POSTN: variants seen among roughly 807,000 people sequenced by gnomAD.
POSTN encodes the protein osteoblast specific factor 2 (fasciclin I-like).
Under a neutral mutation model 104.5 loss-of-function variants are expected in POSTN, and 71 were observed. The ratio of observed to expected loss-of-function variants is 0.68; its 90% CI spans 0.56 to 0.83. The LOEUF is 0.83. Among genes scored for constraint, POSTN ranks in the 40% least tolerant of loss-of-function variants. The pLI is 0.00. For synonymous variants in POSTN, 355 were observed against 340.7 expected (o/e 1.04, Z -0.46); for missense variants, 949 against 1,006.8 (o/e 0.94, Z 0.78).
chr13:37,562,721 T>C lies in POSTN; in HGVS notation c.*612A>G, dbSNP rs1291110607. On this transcript the variant is annotated 3_prime_UTR_variant, in exon 23 of 23. Coordinates refer to ENST00000379747, the MANE Select transcript of POSTN (RefSeq NM_006475.3). ...AATTTGAAGTAATTCTCTTTATATC[T>C]GAAAAATGGTTTTATTGAAACGTTT... The C allele has an allele frequency of 6.6e-6, 1 of 152,188 alleles. No homozygotes were observed. The highest frequency in any genetic ancestry group is 1.5e-5 in the Non-Finnish European group (1 of 68,036). 9.4% of individuals were successfully genotyped at this position (152,188 alleles called of 1,614,324 possible).
chr13:37,570,498 T>C, intron 19 of POSTN, 82 bp downstream of exon 19: 1 of 930,894 alleles, frequency 1.1e-6, no homozygotes, highest in Non-Finnish European at 1.7e-6. Flanking sequence ...CTTGTTTCTT[T>C]AATGATTCTT....
At chr13:37,585,574 G>A (rs1950720766) in intron 7 of POSTN, among the ~76,000 whole-genome samples, 1 of 152,122 alleles carries the variant, frequency 6.6e-6, no homozygotes. Flanking sequence ...GACCTCTGGA[G>A]GGATCTATGC....
At chr13:37,590,973 G>A (rs1002749157) in intron 3 of POSTN, among the ~76,000 whole-genome samples, 10 of 152,194 alleles carry the variant, frequency 6.6e-5, no homozygotes, top group African/African-American at 9.6e-5. Context: ...TCTCCCGAAC[G>A]TCAGAAGAAA....
At position 37,580,672 on chromosome 13, in the gene POSTN, A is replaced by G; in HGVS notation, c.1418T>C (p.Met473Thr). 2 of 1,613,942 alleles carry G rather than the reference A, an allele frequency of 1.2e-6. No individual in the cohort carries two copies. The highest frequency in any genetic ancestry group is 1.7e-6 in the Non-Finnish European group (2 of 1,179,962). Residue 473 changes from methionine (M) to threonine (T), a missense_variant, in exon 11 of 23, where the codon ATG becomes ACG. By Grantham distance (81) the Met-to-Thr change is moderately conservative. Transcript: ENST00000379747. ...RTAVCIENSC[M>T]EKGSKQGRNG... ...TCTCCCTTGCTTACTCCCTTTCTCC[A>G]TGCATGAATTTTCAATGCAGACAGC...
chr13:37,597,131 A>G, intron 2 of POSTN, 53 bp downstream of exon 2: 3 of 1,234,640 alleles, frequency 2.4e-6, no homozygotes, highest in Non-Finnish European at 3.4e-6. Context: ...AGGCATATAC[A>G]TCATGATGTT....
At chr13:37,592,193 A>T in intron 2 of POSTN, 29 bp from the exon 3 acceptor site, 1 of 1,288,092 alleles carries the variant, frequency 7.8e-7, no homozygotes, top group Non-Finnish European at 1.1e-6. Context: ...TTAATATTAA[A>T]ATGAGAAACT....
rs1175640379 is a variant in POSTN, at chr13:37,598,628, A to G, written c.99T>C (p.Arg33=). ...NHYDKILAHS[R]IRGRDQGPNV... is the part of the protein sequence containing the mutation. Reference sequence around the variant, plus strand: ...CTTACCCTTGGTCCCGACCCCTGATACGACTATGAGCCAAGATCTTGTCAT... The same window carrying G: ...CTTACCCTTGGTCCCGACCCCTGATGCGACTATGAGCCAAGATCTTGTCAT... Residue 33 remains arginine, a synonymous_variant, in exon 1 of 23, where the codon CGT becomes CGC. Coordinates refer to ENST00000379747, the MANE Select transcript of POSTN (RefSeq NM_006475.3). 1.2e-6 allele frequency: 2 copies of G among 1,612,836 alleles called. No homozygotes were observed. Among genetic ancestry groups the G allele is most frequent in the South Asian group, 1.1e-5 (1 of 90,974 alleles).
At chr13:37,592,279 AG>A in intron 2 of POSTN, 115 bp from the exon 3 acceptor site, 1 of 682,052 alleles carries the variant, frequency 1.5e-6, no homozygotes, top group Non-Finnish European at 2.3e-6. Context: ...TCTAAAAATC[AG>A]GTTTTTTTTC....
chr13:37,590,866 T>C (rs1241452083), intron 3 of POSTN, among the ~76,000 whole-genome samples: 2 of 152,136 alleles, frequency 1.3e-5, no homozygotes, highest in African/African-American at 2.4e-5. Flanking sequence ...TCTATCATTT[T>C]TATAGATTTG....
chr13:37,565,960 A>G (rs1175296044), intron 21 of POSTN, among the ~76,000 whole-genome samples: 1 of 152,184 alleles, frequency 6.6e-6, no homozygotes, highest in Non-Finnish European at 1.5e-5. Flanking sequence ...AGTTAATTGT[A>G]TAACTTAAAA....
chr13:37,579,784 A>G lies in POSTN; in HGVS notation c.1660+77T>C, dbSNP rs567743995. The G allele has an allele frequency of 4.0e-6, 6 of 1,501,552 alleles. No individual in the cohort carries two copies. In the East Asian group the frequency reaches 1.4e-4, roughly 34 times the overall value. 93.0% of individuals were successfully genotyped at this position (1,501,552 alleles called of 1,614,324 possible). A position where few individuals can be genotyped will look rare whatever the true frequency, so the allele number is the denominator to read the frequency against. On this transcript the variant is annotated intron_variant, in intron 12 of 22. Transcript: ENST00000379747. ...GAGAGGGGGCATTTTTAAGGCAGAC[A>G]TCTGGACAGGAAAGCTTGAGAAAGA...
Position 37,570,687 on chromosome 13 carries a change from C to T in POSTN, c.2180-18G>A. ...AATTGGCTCTAAAAGCAGGGGAATA[C>T]AAATGCATTTGATTTACCCTCATAT... On this transcript the variant is annotated intron_variant, in intron 18 of 22. Transcript: ENST00000379747. 1 of 1,491,550 alleles carries T rather than the reference C, an allele frequency of 6.7e-7. No homozygotes were observed. The highest frequency in any genetic ancestry group is 1.1e-5 in the South Asian group (1 of 88,302). 92.4% of individuals were successfully genotyped at this position (1,491,550 alleles called of 1,614,324 possible). A position where few individuals can be genotyped will look rare whatever the true frequency, so the allele number is the denominator to read the frequency against.
At chr13:37,575,737 T>C (rs1384221712) in intron 16 of POSTN, among the ~76,000 whole-genome samples, 1 of 152,168 alleles carries the variant, frequency 6.6e-6, no homozygotes, top group Non-Finnish European at 1.5e-5. Context: ...TTTAGCTGTG[T>C]CAACTTTTTG....
chr13:37,595,807 G>A lies in POSTN; in HGVS notation c.218+1377C>T, dbSNP rs1180434954. On this transcript the variant is annotated intron_variant, in intron 2 of 22. Coordinates refer to ENST00000379747, the MANE Select transcript of POSTN (RefSeq NM_006475.3). ...AAGAAGTTAAGTGATTCCATATTTAGTATCTTTTTTTTTTTTTTTTTGAGA... is the reference window on the plus strand; with the variant it reads ...AAGAAGTTAAGTGATTCCATATTTAATATCTTTTTTTTTTTTTTTTTGAGA... 4.7e-5 allele frequency among the ~76,000 whole-genome samples: 7 copies of A among 148,016 alleles called. No individual in the cohort carries two copies. The South Asian group carries it at 8.7e-4, about 18-fold the overall frequency.
intron 10 of POSTN, among the ~76,000 whole-genome samples, chr13:37,581,671 C>T (rs1950594661): frequency 6.6e-6 from 1 of 151,954 alleles, no homozygotes. Context: ...TTACAGTGAG[C>T]TATGATTGTG....
intron 21 of POSTN, 61 bp downstream of exon 21, chr13:37,569,239 A>G: frequency 8.0e-7 from 1 of 1,254,020 alleles, no homozygotes; most frequent in Non-Finnish European, 1.1e-6. Flanking sequence ...CTCAGTCTTT[A>G]AAAAGTTGAA....
intron 20 of POSTN, 140 bp downstream of exon 20, chr13:37,569,604 T>G: frequency 1.2e-6 from 1 of 849,832 alleles, no homozygotes; most frequent in Non-Finnish European, 2.0e-6. Flanking sequence ...GCTTAATTCC[T>G]TATTCTTGTG....
chr13:37,598,629 C>G lies in POSTN; in HGVS notation c.98G>C (p.Arg33Pro). 1 of 1,612,356 alleles carries G rather than the reference C, an allele frequency of 6.2e-7. No homozygotes were observed. Among genetic ancestry groups the G allele is most frequent in the Non-Finnish European group, 8.5e-7 (1 of 1,178,782 alleles). Reference protein sequence around the residue: ...NHYDKILAHSRIRGRDQGPNV... With the variant: ...NHYDKILAHSPIRGRDQGPNV... Reference sequence around the variant, plus strand: ...TTACCCTTGGTCCCGACCCCTGATACGACTATGAGCCAAGATCTTGTCATA... The same window carrying G: ...TTACCCTTGGTCCCGACCCCTGATAGGACTATGAGCCAAGATCTTGTCATA... The change falls in exon 1 of 23, where the codon CGT (arginine) becomes CCT (proline). Residue 33 changes from arginine (R) to proline (P), a missense_variant. By Grantham distance (103) the Arg-to-Pro change is moderately radical. Coordinates refer to ENST00000379747, the MANE Select transcript of POSTN (RefSeq NM_006475.3).
intron 2 of POSTN, among the ~76,000 whole-genome samples, chr13:37,593,753 C>A (rs1442886298): frequency 1.3e-5 from 2 of 151,152 alleles, no homozygotes; most frequent in African/African-American, 2.4e-5. Flanking sequence ...ATGATAAAAG[C>A]AAACTATCAA....
Sources: allele counts gnomAD v4.1 joint callset (sites outside exome capture counted in the v4.1 genomes callset), GRCh38; gene constraint gnomAD v4.1.1; transcripts MANE v1.5; gene names NCBI Gene and HGNC (gene_info 2026-07-23, HGNC 2026-07-21).